AHRR: variants seen among roughly 807,000 people sequenced by gnomAD.
AHRR encodes aryl hydrocarbon receptor repressor.
Under a neutral mutation model 44.0 loss-of-function variants are expected in AHRR, and 28 were observed. That is an observed-to-expected ratio of 0.64 (90% confidence interval 0.47 to 0.87). The LOEUF (loss-of-function observed/expected upper bound fraction) is 0.87. Among genes scored for constraint, AHRR ranks in the 40% least tolerant of loss-of-function variants. The pLI, the probability that AHRR is intolerant of heterozygous loss-of-function variation, is 0.00. For missense variants in AHRR, 990 were observed against 953.9 expected, an observed-to-expected ratio of 1.04 and a Z score of -0.50; for synonymous variants, 434 against 407.0, an observed-to-expected ratio of 1.07 and a Z score of -0.80.
chr5:403,433 C>T (rs1262327227), intron 4 of AHRR, among the ~76,000 whole-genome samples: 4 of 152,020 alleles, frequency 2.6e-5, no homozygotes, highest in Admixed American at 6.5e-5. Flanking sequence ...GTCAGGAGTT[C>T]GAGACCAGCC....
At position 338,219 on chromosome 5, in the gene AHRR, A is replaced by G. The variant is rs143657850; in HGVS notation, c.-10-5674A>G. On this transcript the variant is annotated intron_variant, in intron 1 of 10. Coordinates refer to ENST00000684583, the MANE Select transcript of AHRR (RefSeq NM_001377236.1). The surrounding 1 kb of genome is among the most constrained non-coding windows in gnomAD (Gnocchi z 4.1). ...TCTAAGCAATAAGAACAAATTATGC[A>G]TATTTCACCCTCTAGTAGTCAGTTC... Among the ~76,000 whole-genome samples, 489 of 152,262 alleles carry G rather than the reference A, an allele frequency of 3.2e-3. 6 individuals are homozygous for G. The highest frequency in any genetic ancestry group is 7.4e-3 in the Admixed American group (113 of 15,290).
chr5:409,950 C>T (rs990864703), intron 4 of AHRR, among the ~76,000 whole-genome samples: 1 of 152,016 alleles, frequency 6.6e-6, no homozygotes, highest in Admixed American at 6.5e-5. Flanking sequence ...TTGTGTGTGG[C>T]GTGAAATAGG....
chr5:403,406 C>T (rs950359506), intron 4 of AHRR, among the ~76,000 whole-genome samples: 22 of 152,094 alleles, frequency 1.4e-4, no homozygotes, highest in Non-Finnish European at 2.6e-4. Flanking sequence ...GAGGCCAAGG[C>T]GGGTGGATCA....
chr5:337,088 A>T lies in AHRR; in HGVS notation c.-10-6805A>T, dbSNP rs1742165681. ...TTCTTTCTTTTTAATGTTTTTTTTT[A>T]AAGCCAAACATTTTATTATGGCACT... On this transcript the variant is annotated intron_variant, in intron 1 of 10. Transcript: ENST00000684583. This position sits in a 1 kb window ranked among gnomAD's most constrained non-coding sequence, Gnocchi z 4.1. 6.6e-6 allele frequency among the ~76,000 whole-genome samples: 1 copy of T among 152,022 alleles called. No homozygotes were observed. Among genetic ancestry groups the T allele is most frequent in the Non-Finnish European group, 1.5e-5 (1 of 68,012 alleles).
chr5:367,975 C>A (rs1254320188), intron 3 of AHRR: 1 of 701,896 alleles, frequency 1.4e-6, no homozygotes. Flanking sequence ...AGCCACTGAC[C>A]GCCTGTAGTG....
At position 352,238 on chromosome 5, in the gene AHRR, C is replaced by T. The variant is rs113773479; in HGVS notation, c.63-1492C>T. On this transcript the variant is annotated intron_variant, in intron 2 of 10. Coordinates refer to ENST00000684583, the MANE Select transcript of AHRR (RefSeq NM_001377236.1). ...TCACTGTGAGGTTAAATGGGTTAGCCGTAGGGGATGGTCACTCTGAGGTTA... is the reference window on the plus strand; with the variant it reads ...TCACTGTGAGGTTAAATGGGTTAGCTGTAGGGGATGGTCACTCTGAGGTTA... 1.2e-4 allele frequency among the ~76,000 whole-genome samples: 17 copies of T among 142,890 alleles called. 1 individual carries two copies. The highest frequency in any genetic ancestry group is 2.9e-4 in the African/African-American group (11 of 38,264). The allele number at this position is 142,890 out of a possible 152,430, so 93.7% of individuals were successfully genotyped here.
intron 2 of AHRR, among the ~76,000 whole-genome samples, chr5:347,749 C>T (rs1221582492): frequency 5.9e-5 from 9 of 152,178 alleles, no homozygotes; most frequent in Admixed American, 5.9e-4. Flanking sequence ...GTGCAGGGGT[C>T]CTGGGAACCC....
chr5:356,150 C>T (rs1019781989), intron 3 of AHRR, among the ~76,000 whole-genome samples: 3 of 152,164 alleles, frequency 2.0e-5, no homozygotes, highest in African/African-American at 7.2e-5. Flanking sequence ...CGGGATTTTC[C>T]ACTCTTGGTG....
rs77798197 is a variant in AHRR at position 407,789 on chromosome 5, G to A, written c.352-5555G>A. Among the ~76,000 whole-genome samples, 40 of 152,234 alleles carry A rather than the reference G, an allele frequency of 2.6e-4. No individual in the cohort carries two copies. In the East Asian group the frequency reaches 6.8e-3, roughly 26 times the overall value. ...CCTGACCTCGTGATCCACCTGCCTCGGCCTCTCAAAATGCTGGGATTACAG... is the reference window on the plus strand; with the variant it reads ...CCTGACCTCGTGATCCACCTGCCTCAGCCTCTCAAAATGCTGGGATTACAG... On this transcript the variant is annotated intron_variant, in intron 4 of 10. Transcript: ENST00000684583.
At chr5:344,097 G>A in intron 2 of AHRR, 133 bp downstream of exon 2, 2 of 958,152 alleles carry the variant, frequency 2.1e-6, no homozygotes, top group East Asian at 3.3e-5. Context: ...GGCCGGGGCT[G>A]AGCTCCGGCG....
At chr5:352,740 G>C (rs1317024069) in intron 2 of AHRR, among the ~76,000 whole-genome samples, 14 of 150,682 alleles carry the variant, frequency 9.3e-5, no homozygotes, top group African/African-American at 2.7e-4. Flanking sequence ...GTCACTGTGA[G>C]GTTAAATGGG....
At chr5:354,535 G>T (rs974804742) in intron 3 of AHRR, among the ~76,000 whole-genome samples, 2 of 152,182 alleles carry the variant, frequency 1.3e-5, no homozygotes, top group Admixed American at 6.5e-5. Flanking sequence ...GAAGCATGGC[G>T]TTTCCTTAGA....
At chr5:327,804 T>C in intron 1 of AHRR, among the ~76,000 whole-genome samples, 1 of 152,282 alleles carries the variant, frequency 6.6e-6, no homozygotes, top group Non-Finnish European at 1.5e-5. Flanking sequence ...ATTACTATAC[T>C]TTAAGTTCTA....
At chr5:415,712 C>A (rs1046015446) in intron 5 of AHRR, among the ~76,000 whole-genome samples, 5 of 132,056 alleles carry the variant, frequency 3.8e-5, no homozygotes, top group Admixed American at 3.1e-4. Flanking sequence ...TCTGCCTGGT[C>A]GGCTGGGAGG....
intron 3 of AHRR, among the ~76,000 whole-genome samples, chr5:374,020 C>G (rs1743684677): frequency 6.6e-6 from 1 of 151,980 alleles, no homozygotes; most frequent in Admixed American, 6.5e-5. Context: ...GGGGAAAAGG[C>G]CGGGGCTGCC....
chr5:427,085 A>G (rs1453809333), intron 7 of AHRR, among the ~76,000 whole-genome samples: 2 of 151,430 alleles, frequency 1.3e-5, no homozygotes, highest in East Asian at 1.9e-4. Flanking sequence ...ATGGATGGAA[A>G]GATAGATTGG....
rs1257265479 is a variant in AHRR, at chr5:370,498, G to A, written c.245-6112G>A. Among the ~76,000 whole-genome samples, 1 of 152,166 alleles carries A rather than the reference G, an allele frequency of 6.6e-6. No homozygotes were observed. The highest frequency in any genetic ancestry group is 1.5e-5 in the Non-Finnish European group (1 of 68,032). On this transcript the variant is annotated intron_variant, in intron 3 of 10. Transcript: ENST00000684583. This position sits in a 1 kb window ranked among gnomAD's most constrained non-coding sequence, Gnocchi z 4.5. ...CAGGGGTGAGTGAAATCAGGTTCAAGGGAAATTTTCACCAAGGTCATCCGC... is the reference window on the plus strand; with the variant it reads ...CAGGGGTGAGTGAAATCAGGTTCAAAGGAAATTTTCACCAAGGTCATCCGC...
intron 5 of AHRR, among the ~76,000 whole-genome samples, chr5:415,671 G>C (rs113529155): frequency 8.9e-3 from 825 of 92,540 alleles, no homozygotes; most frequent in Non-Finnish European, 0.013. Flanking sequence ...GGCCGAATCT[G>C]CCTGGTCGGG....
intron 5 of AHRR, among the ~76,000 whole-genome samples, chr5:413,659 G>A (rs1735567823): frequency 6.6e-6 from 1 of 152,164 alleles, no homozygotes; most frequent in African/African-American, 2.4e-5. Context: ...GGGGTGTTCT[G>A]GTCTAAGGCA....
Sources: allele counts gnomAD v4.1 joint callset (sites outside exome capture counted in the v4.1 genomes callset), GRCh38; gene constraint gnomAD v4.1.1; non-coding constraint Gnocchi (gnomAD v3.1); transcripts MANE v1.5; gene names NCBI Gene and HGNC (gene_info 2026-07-23, HGNC 2026-07-21).